Variants in TRAK1 observed in about 807,000 individuals in gnomAD.
The protein encoded by TRAK1 is trafficking kinesin-binding protein 1.
In TRAK1, 33 loss-of-function variants were observed where a neutral mutation model predicts 92.1. That is an observed-to-expected ratio of 0.36 (90% CI 0.27 to 0.48). The LOEUF (loss-of-function observed/expected upper bound fraction) is 0.48. Ranked by LOEUF, TRAK1 falls within the 20% of genes least tolerant of loss-of-function variation. The pLI, the probability that TRAK1 is intolerant of heterozygous loss-of-function variation, is 0.99. For missense variants in TRAK1, 1,123 were observed against 1,257.9 expected (o/e 0.89, Z 1.62); for synonymous variants, 521 against 517.3 (o/e 1.01, Z -0.10).
intron 2 of TRAK1, among the ~76,000 whole-genome samples, chr3:42,140,483 C>T (rs1698507310): frequency 6.6e-6 from 1 of 152,082 alleles, no homozygotes; most frequent in South Asian, 2.1e-4. Context: ...AAAAATTAGC[C>T]ACGCGTGGTG....
At chr3:42,210,310 C>T (rs1348906115) in intron 14 of TRAK1, 14 of 1,508,664 alleles carry the variant, frequency 9.3e-6, no homozygotes, top group Non-Finnish European at 1.2e-5. Flanking sequence ...GAGTCTGATG[C>T]CTCCTATTTG....
At chr3:42,099,538 G>A (rs1706433539) in intron 1 of TRAK1, among the ~76,000 whole-genome samples, 1 of 152,166 alleles carries the variant, frequency 6.6e-6, no homozygotes, top group African/African-American at 2.4e-5. Flanking sequence ...AGATGGAAAT[G>A]GTTGGAAAGA....
At chr3:42,050,291 G>A (rs1702929274) in intron 1 of TRAK1, among the ~76,000 whole-genome samples, 1 of 152,174 alleles carries the variant, frequency 6.6e-6, no homozygotes, top group Non-Finnish European at 1.5e-5. Context: ...AAGCTTGTGT[G>A]TTCACTTTCT....
At chr3:42,062,494 A>G (rs1166364230) in intron 1 of TRAK1, among the ~76,000 whole-genome samples, 1 of 152,222 alleles carries the variant, frequency 6.6e-6, no homozygotes, top group Non-Finnish European at 1.5e-5. Flanking sequence ...ACCAGCTTAA[A>G]TACAGCATGA....
intron 1 of TRAK1, among the ~76,000 whole-genome samples, chr3:42,050,193 G>A (rs888188017): frequency 7.1e-6 from 1 of 140,120 alleles, no homozygotes; most frequent in Admixed American, 7.2e-5. Context: ...GTGGGGGGGT[G>A]TGAGAGTCGG....
chr3:42,113,378 AC>A (rs1708733165), intron 1 of TRAK1, among the ~76,000 whole-genome samples: 1 of 88,280 alleles, frequency 1.1e-5, no homozygotes, highest in Non-Finnish European at 2.1e-5. Context: ...GCCTACCCCT[AC>A]CCCTACCCCT....
At chr3:42,126,667 C>T (rs535969976) in intron 2 of TRAK1, among the ~76,000 whole-genome samples, 1 of 152,300 alleles carries the variant, frequency 6.6e-6, no homozygotes, top group South Asian at 2.1e-4. Context: ...AGCAATCCTC[C>T]TACCTGCAGA....
chr3:42,040,328 C>T (rs755764666), intron 1 of TRAK1, among the ~76,000 whole-genome samples: 1 of 152,158 alleles, frequency 6.6e-6, no homozygotes, highest in Non-Finnish European at 1.5e-5. Context: ...CTGCTCCTTG[C>T]AGAGCAGGGC....
intron 1 of TRAK1, among the ~76,000 whole-genome samples, chr3:42,016,289 C>T (rs1286636511): frequency 6.6e-6 from 1 of 152,102 alleles, no homozygotes; most frequent in Non-Finnish European, 1.5e-5. Context: ...ACTGCGGCCT[C>T]CACCTCACAG....
chr3:42,125,319 T>C, intron 1 of TRAK1, 101 bp from the exon 2 acceptor site: 1 of 1,037,272 alleles, frequency 9.6e-7, no homozygotes, highest in South Asian at 1.7e-5. Flanking sequence ...GTGCTGTAGA[T>C]AAATAACCGA....
intron 10 of TRAK1, among the ~76,000 whole-genome samples, chr3:42,198,188 G>C (rs1707020680): frequency 6.6e-6 from 1 of 152,208 alleles, no homozygotes; most frequent in African/African-American, 2.4e-5. Flanking sequence ...GTAAAGGATT[G>C]TGTGTTAGGC....
chr3:42,109,888 C>T (rs753555101), intron 1 of TRAK1, among the ~76,000 whole-genome samples: 7 of 151,098 alleles, frequency 4.6e-5, no homozygotes, highest in South Asian at 2.1e-4. Context: ...CACTTACAGG[C>T]GGGAATTGAA....
upstream of TRAK1, among the ~76,000 whole-genome samples, chr3:42,084,656 T>C (rs1704589687): frequency 6.6e-6 from 1 of 152,182 alleles, no homozygotes. Flanking sequence ...TGGTGACTCT[T>C]GGGGGTCTTC....
At chr3:42,160,558 G>GTTTTTTTTT (rs11370773) in intron 2 of TRAK1, 3 of 1,080,416 alleles carry the variant, frequency 2.8e-6, no homozygotes, top group Non-Finnish European at 3.8e-6. Context: ...TCATAGCACT[G>GTTTTTTTTT]TTTTGTTTTT....
In TRAK1 at chr3:42,021,030, T is replaced by C. The variant is rs559399883; in HGVS notation, c.-519+6913T>C. 1.4e-3 allele frequency among the ~76,000 whole-genome samples: 213 copies of C among 152,284 alleles called. 1 individual carries two copies. Among genetic ancestry groups the C allele is most frequent in the Non-Finnish European group, 2.6e-3 (175 of 68,032 alleles). ...GACAGATTCTTGTCATGTTCGGAAG[T>C]TGGAATTGGCAAGCTTTATACTGGA... On this transcript the variant is annotated intron_variant, in intron 1 of 16. Coordinates refer to the TRAK1 transcript ENST00000487159.
At chr3:42,051,126 C>G (rs999345099) in intron 1 of TRAK1, 1 of 152,232 alleles carries the variant, frequency 6.6e-6, no homozygotes, top group Non-Finnish European at 1.5e-5. Flanking sequence ...GCCTTGGTCT[C>G]CCAAAGTGCA....
intron 14 of TRAK1, chr3:42,210,323 A>G: frequency 6.7e-7 from 1 of 1,501,658 alleles, no homozygotes; most frequent in East Asian, 2.3e-5. Flanking sequence ...CCTATTTGTA[A>G]CAATGGGTGT....
At chr3:42,123,966 C>T (rs1306901838) in intron 1 of TRAK1, among the ~76,000 whole-genome samples, 1 of 152,000 alleles carries the variant, frequency 6.6e-6, no homozygotes, top group Non-Finnish European at 1.5e-5. Context: ...AACATAGGGA[C>T]CTTGTCTCTA....
chr3:42,143,962 G>C (rs1180542396), intron 2 of TRAK1, among the ~76,000 whole-genome samples: 1 of 152,136 alleles, frequency 6.6e-6, no homozygotes, highest in Non-Finnish European at 1.5e-5. Context: ...AAATGATGCT[G>C]TTTCCTTTGT....
Sources: allele counts gnomAD v4.1 joint callset (sites outside exome capture counted in the v4.1 genomes callset), GRCh38; gene constraint gnomAD v4.1.1; transcripts MANE v1.5; gene names NCBI Gene and HGNC (gene_info 2026-07-23, HGNC 2026-07-21).